The following MAD1L1 variants were observed in gnomAD, a reference collection of about 807,000 sequenced individuals.
The protein encoded by MAD1L1 is mitotic spindle assembly checkpoint protein MAD1.
Under a neutral mutation model 96.9 loss-of-function variants are expected in MAD1L1, and 95 were observed. That is an observed-to-expected ratio of 0.98 (90% CI 0.83 to 1.16). The LOEUF (loss-of-function observed/expected upper bound fraction) is 1.16, where lower values mean the gene tolerates loss of function less well. Among genes scored for constraint, MAD1L1 ranks in the 50% most tolerant of loss-of-function variants. The probability of loss-of-function intolerance (pLI) is 0.00; values close to 1 mark genes in which losing one functional copy is unlikely to be tolerated. For missense variants in MAD1L1, 1,007 were observed against 954.4 expected (o/e 1.06, Z -0.73); for synonymous variants, 473 against 396.6 (o/e 1.19, Z -2.29).
intron 13 of MAD1L1, among the ~76,000 whole-genome samples, chr7:2,010,966 G>A (rs1420812691): frequency 6.6e-6 from 1 of 152,206 alleles, no homozygotes; most frequent in Non-Finnish European, 1.5e-5. Context: ...TATCAGACAT[G>A]CGTGCAGAGG....
intron 16 of MAD1L1, among the ~76,000 whole-genome samples, chr7:1,944,446 C>T (rs1431557900): frequency 6.6e-6 from 1 of 152,150 alleles, no homozygotes; most frequent in Non-Finnish European, 1.5e-5. Flanking sequence ...ATGCAGCTGC[C>T]AGAGCCTGCG....
At chr7:1,982,327 G>GC (rs1447047552) in intron 14 of MAD1L1, among the ~76,000 whole-genome samples, 1 of 152,096 alleles carries the variant, frequency 6.6e-6, no homozygotes, top group Non-Finnish European at 1.5e-5. Context: ...TCCTGCCTCA[G>GC]CCTCCCAAGT....
chr7:2,043,239 T>C (rs1341539624), intron 12 of MAD1L1, among the ~76,000 whole-genome samples: 1 of 152,166 alleles, frequency 6.6e-6, no homozygotes, highest in East Asian at 1.9e-4. Flanking sequence ...TCCACGCCCC[T>C]GTCCCATCGG....
intron 11 of MAD1L1, chr7:2,079,868 C>T (rs181123170): frequency 2.5e-6 from 1 of 404,734 alleles, no homozygotes; most frequent in African/African-American, 2.1e-5. Context: ...AACAACCGCC[C>T]CATGCCCTCC....
Position 2,103,453 on chromosome 7 carries a change from C to T in MAD1L1, c.1074-34115G>A, listed in dbSNP as rs986318432. Among the ~76,000 whole-genome samples the T allele has an allele frequency of 1.3e-5, 2 of 152,104 alleles. No individual in the cohort carries two copies. Among genetic ancestry groups the T allele is most frequent in the African/African-American group, 4.8e-5 (2 of 41,402 alleles). Reference sequence around the variant, plus strand: ...GCACCTGAGAGGACAGAGGGTGAGGCGATACAGCAGTGCAGCAGATCTCAC... The same window carrying T: ...GCACCTGAGAGGACAGAGGGTGAGGTGATACAGCAGTGCAGCAGATCTCAC... On this transcript the variant is annotated intron_variant, in intron 11 of 18. Transcript: ENST00000265854. This position sits in a 1 kb window ranked among gnomAD's most constrained non-coding sequence, Gnocchi z 4.3.
At chr7:2,154,891 C>G (rs867753117) in intron 10 of MAD1L1, among the ~76,000 whole-genome samples, 59 of 152,162 alleles carry the variant, frequency 3.9e-4, no homozygotes, top group African/African-American at 1.3e-3. Context: ...CCGGCGCCCT[C>G]TTCTCGTATT....
At chr7:1,925,428 G>C (rs1210997364) in intron 17 of MAD1L1, among the ~76,000 whole-genome samples, 1 of 152,204 alleles carries the variant, frequency 6.6e-6, no homozygotes, top group Non-Finnish European at 1.5e-5. Flanking sequence ...GAAGTTTATA[G>C]GCTCACAGTT....
chr7:2,138,289 G>A (rs904213230), intron 11 of MAD1L1, among the ~76,000 whole-genome samples: 14 of 152,272 alleles, frequency 9.2e-5, no homozygotes, highest in African/African-American at 2.4e-4. Flanking sequence ...CCCAGGGGAC[G>A]TGCTCCCTGG....
At chr7:2,223,329 C>T (rs62442484) in intron 4 of MAD1L1, among the ~76,000 whole-genome samples, 3 of 152,194 alleles carry the variant, frequency 2.0e-5, no homozygotes, top group African/African-American at 4.8e-5. Flanking sequence ...TTAGGGAGGC[C>T]GCGTGGCTCT....
chr7:1,987,720 G>A lies in MAD1L1; in HGVS notation c.1417-7179C>T, dbSNP rs1226066167. On this transcript the variant is annotated intron_variant, in intron 14 of 18. Transcript: ENST00000265854. ...CCCGGCTCCACGTCTTTTCTCCTGC[G>A]GGCTCGGCAGCCGAGAGTGGAGGGT... Among the ~76,000 whole-genome samples, 11 of 152,330 alleles carry A rather than the reference G, an allele frequency of 7.2e-5. No individual in the cohort carries two copies. In the East Asian group the frequency reaches 1.4e-3, roughly 19 times the overall value.
At chr7:2,152,354 G>A (rs1468289512) in intron 10 of MAD1L1, among the ~76,000 whole-genome samples, 1 of 152,198 alleles carries the variant, frequency 6.6e-6, no homozygotes, top group African/African-American at 2.4e-5. Context: ...CCTCCCACGG[G>A]CAGAAGCCGC....
intron 18 of MAD1L1, among the ~76,000 whole-genome samples, chr7:1,842,412 C>T (rs542281238): frequency 9.8e-5 from 15 of 152,354 alleles, no homozygotes; most frequent in African/African-American, 3.1e-4. Flanking sequence ...CCGTCACAGC[C>T]GGGCTTGGCC....
chr7:2,071,409 C>T (rs921535582), intron 11 of MAD1L1, among the ~76,000 whole-genome samples: 7 of 152,228 alleles, frequency 4.6e-5, no homozygotes, highest in African/African-American at 7.2e-5. Flanking sequence ...AGGACGCGGG[C>T]GTCTCATTTC....
At chr7:1,882,121 G>A (rs1275731884) in intron 18 of MAD1L1, among the ~76,000 whole-genome samples, 2 of 152,202 alleles carry the variant, frequency 1.3e-5, no homozygotes, top group African/African-American at 4.8e-5. Context: ...GCTGGGGCCA[G>A]GGCACGAGAT....
chr7:2,158,116 T>G (rs1276611369), intron 10 of MAD1L1, among the ~76,000 whole-genome samples: 1 of 152,204 alleles, frequency 6.6e-6, no homozygotes, highest in East Asian at 1.9e-4. Flanking sequence ...AAATTCTAAC[T>G]GGTGGGTTTT....
chr7:1,962,953 A>G (rs542682695), intron 15 of MAD1L1, among the ~76,000 whole-genome samples: 1 of 152,242 alleles, frequency 6.6e-6, no homozygotes, highest in African/African-American at 2.4e-5. Context: ...TCTGTAAAAG[A>G]AACATTTAAA....
chr7:2,010,074 T>G (rs1247915697), intron 13 of MAD1L1, among the ~76,000 whole-genome samples: 2 of 69,856 alleles, frequency 2.9e-5, no homozygotes, highest in Non-Finnish European at 3.5e-5. Context: ...TAACAGGTTT[T>G]TTTTTTTTTT....
At chr7:2,165,780 C>T (rs2128591485) in intron 10 of MAD1L1, among the ~76,000 whole-genome samples, 1 of 152,258 alleles carries the variant, frequency 6.6e-6, no homozygotes, top group East Asian at 1.9e-4. Flanking sequence ...GCTGGAGGCT[C>T]AGGGCGAGAC....
intron 18 of MAD1L1, among the ~76,000 whole-genome samples, chr7:1,861,186 AGGCTGG>A: frequency 6.6e-6 from 1 of 152,166 alleles, no homozygotes; most frequent in Non-Finnish European, 1.5e-5. Context: ...CCCGGGGCTG[AGGCTGG>A]GGCTCGGCCA....
Sources: allele counts gnomAD v4.1 joint callset (sites outside exome capture counted in the v4.1 genomes callset), GRCh38; gene constraint gnomAD v4.1.1; non-coding constraint Gnocchi (gnomAD v3.1); transcripts MANE v1.5; gene names NCBI Gene and HGNC (gene_info 2026-07-23, HGNC 2026-07-21).